Variants in PARD3B observed in about 807,000 individuals in gnomAD.
PARD3B encodes the protein par-3 family cell polarity regulator beta, also known as partitioning defective 3 homolog B.
A neutral mutation model predicts 130.2 loss-of-function variants in PARD3B; 103 were observed. That is an observed-to-expected ratio of 0.79 (90% confidence interval 0.67 to 0.93). The LOEUF (loss-of-function observed/expected upper bound fraction) is 0.93. Ranked by LOEUF, PARD3B falls within the 40% of genes least tolerant of loss-of-function variation. The pLI is 0.00. For synonymous variants in PARD3B, 583 were observed against 553.2 expected (o/e 1.05, Z -0.76); for missense variants, 1,609 against 1,499.2 (o/e 1.07, Z -1.21).
intron 18 of PARD3B, among the ~76,000 whole-genome samples, chr2:205,319,854 GT>G (rs1308293115): frequency 6.6e-6 from 1 of 151,870 alleles, no homozygotes; most frequent in South Asian, 2.1e-4. Context: ...TTCTCCTGTA[GT>G]TTTTTTTCTT....
intron 18 of PARD3B, among the ~76,000 whole-genome samples, chr2:205,302,065 C>CTTTTTTTTTTTTTTTTTTTCTTT: frequency 1.3e-5 from 1 of 77,770 alleles, no homozygotes; most frequent in South Asian, 6.1e-4. Context: ...TTTTTCTTTT[C>CTTTTTTTTTTTTTTTTTTTCTTT]TTTTTTTTTT....
At chr2:205,400,261 G>A (rs2046201374) in intron 18 of PARD3B, among the ~76,000 whole-genome samples, 1 of 152,086 alleles carries the variant, frequency 6.6e-6, no homozygotes, top group Non-Finnish European at 1.5e-5. Flanking sequence ...TTCAAATTAT[G>A]TATGCTTAGG....
chr2:204,794,370 T>C lies in PARD3B; in HGVS notation c.222+108088T>C, dbSNP rs559030317. Among the ~76,000 whole-genome samples the C allele has an allele frequency of 1.1e-4, 16 of 152,344 alleles. No homozygotes were observed. The South Asian group carries it at 2.5e-3, about 24-fold the overall frequency. On this transcript the variant is annotated intron_variant, in intron 2 of 22. Transcript: ENST00000406610. ...AAAGTAACGTGAACCCTTGATGTCATGATGCACTAGCGTATGGTGCTCCAT... is the reference window on the plus strand; with the variant it reads ...AAAGTAACGTGAACCCTTGATGTCACGATGCACTAGCGTATGGTGCTCCAT...
intron 1 of PARD3B, among the ~76,000 whole-genome samples, chr2:204,590,899 A>G (rs745784614): frequency 3.9e-5 from 6 of 152,226 alleles, no homozygotes; most frequent in African/African-American, 7.2e-5. Context: ...CAAGTTGTAT[A>G]TACAACATAG....
chr2:205,136,900 A>G (rs1406867030), intron 10 of PARD3B, among the ~76,000 whole-genome samples: 1 of 152,210 alleles, frequency 6.6e-6, no homozygotes, highest in Non-Finnish European at 1.5e-5. Context: ...GCAAGTATTT[A>G]CTGAACACCT....
intron 1 of PARD3B, among the ~76,000 whole-genome samples, chr2:204,592,518 C>T (rs953287207): frequency 2.0e-5 from 3 of 152,098 alleles, no homozygotes; most frequent in Non-Finnish European, 4.4e-5. Flanking sequence ...CTTTGTAAAA[C>T]TTATTGTCAT....
intron 3 of PARD3B, among the ~76,000 whole-genome samples, chr2:204,987,156 A>AT (rs1693230457): frequency 6.6e-6 from 1 of 152,172 alleles, no homozygotes; most frequent in Admixed American, 6.5e-5. Flanking sequence ...TTGGAAAAAA[A>AT]ATGTGACTAT....
At chr2:205,149,874 AG>A (rs913083929) in intron 10 of PARD3B, among the ~76,000 whole-genome samples, 1 of 152,152 alleles carries the variant, frequency 6.6e-6, no homozygotes, top group East Asian at 1.9e-4. Flanking sequence ...AGCTTGGGGA[AG>A]GGGGTACTGC....
intron 2 of PARD3B, among the ~76,000 whole-genome samples, chr2:204,726,003 AGTGGCAACCT>A (rs2039208408): frequency 6.6e-6 from 1 of 152,222 alleles, no homozygotes. Context: ...AGAACGCCAC[AGTGGCAACCT>A]GTGCAAACAG....
At chr2:204,560,648 G>A (rs1392008593) in intron 1 of PARD3B, among the ~76,000 whole-genome samples, 1 of 152,158 alleles carries the variant, frequency 6.6e-6, no homozygotes, top group African/African-American at 2.4e-5. Flanking sequence ...AGGAGGTTGG[G>A]GAGAAGAGGA....
intron 1 of PARD3B, among the ~76,000 whole-genome samples, chr2:204,655,374 TTC>T (rs2035606352): frequency 1.3e-5 from 2 of 152,142 alleles, no homozygotes; most frequent in African/African-American, 4.8e-5. Flanking sequence ...AGAATCTTGC[TTC>T]TCTCTGATTT....
At chr2:204,795,161 A>T (rs1234789800) in intron 2 of PARD3B, among the ~76,000 whole-genome samples, 3 of 152,190 alleles carry the variant, frequency 2.0e-5, no homozygotes, top group Non-Finnish European at 4.4e-5. Context: ...GGTTAGGAAA[A>T]TAGGTTCTCT....
chr2:205,259,400 G>A (rs983391959), intron 16 of PARD3B, among the ~76,000 whole-genome samples: 2 of 152,088 alleles, frequency 1.3e-5, no homozygotes, highest in East Asian at 3.9e-4. Context: ...TTCTTCTATT[G>A]TCTTATGGCT....
intron 2 of PARD3B, among the ~76,000 whole-genome samples, chr2:204,880,892 GTGTTTC>G (rs1445575577): frequency 6.6e-6 from 1 of 152,106 alleles, no homozygotes. Context: ...ACGTGCTACA[GTGTTTC>G]TGTTTATATA....
At chr2:204,897,202 T>G (rs564572390) in intron 2 of PARD3B, among the ~76,000 whole-genome samples, 1 of 152,264 alleles carries the variant, frequency 6.6e-6, no homozygotes, top group East Asian at 1.9e-4. Context: ...CAGAATATTT[T>G]GATTTGTGAG....
chr2:204,729,826 T>TA (rs777651704), intron 2 of PARD3B, among the ~76,000 whole-genome samples: 4 of 151,810 alleles, frequency 2.6e-5, no homozygotes, highest in African/African-American at 7.3e-5. Flanking sequence ...ACCCATATTT[T>TA]AAAAAAAAAT....
Position 205,280,148 on chromosome 2 carries a change from T to C in PARD3B, c.2186-20382T>C, listed in dbSNP as rs1454413047. 6.6e-6 allele frequency among the ~76,000 whole-genome samples: 1 copy of C among 152,200 alleles called. No homozygotes were observed. Among genetic ancestry groups the C allele is most frequent in the East Asian group, 1.9e-4 (1 of 5,198 alleles). On this transcript the variant is annotated intron_variant, in intron 16 of 22. Coordinates refer to ENST00000406610, the MANE Select transcript of PARD3B (RefSeq NM_001302769.2). The surrounding 1 kb of genome is among the most constrained non-coding windows in gnomAD (Gnocchi z 4.7). The stretch of plus-strand genomic sequence containing the variant: ...CATTCTCTGACATAAATAGCTCTCA[T>C]ATAATACCTTTCAGGGAAAAAAATT...
chr2:205,380,496 A>ATATTATATATAATATATACAG (rs2045316874), intron 18 of PARD3B, among the ~76,000 whole-genome samples: 1 of 2,648 alleles, frequency 3.8e-4, no homozygotes, highest in African/African-American at 1.0e-3. Flanking sequence ...TATATAAAGA[A>ATATTATATATAATATATACAG]TATATATTAT....
At chr2:204,556,301 A>C (rs1278349891) in intron 1 of PARD3B, among the ~76,000 whole-genome samples, 1 of 152,154 alleles carries the variant, frequency 6.6e-6, no homozygotes, top group Non-Finnish European at 1.5e-5. Flanking sequence ...TGGGATGCTC[A>C]AGATGGCATC....
Sources: allele counts gnomAD v4.1 joint callset (sites outside exome capture counted in the v4.1 genomes callset), GRCh38; gene constraint gnomAD v4.1.1; non-coding constraint Gnocchi (gnomAD v3.1); transcripts MANE v1.5; gene names NCBI Gene and HGNC (gene_info 2026-07-23, HGNC 2026-07-21).